Variants in TADA2A observed in about 807,000 individuals in gnomAD.
TADA2A encodes transcriptional adaptor 2A.
In TADA2A, 38 loss-of-function variants were observed where a neutral mutation model predicts 67.4. The ratio of observed to expected loss-of-function variants is 0.56; its 90% CI spans 0.44 to 0.74. TADA2A has a LOEUF of 0.74. TADA2A is among the 30% of genes least tolerant of loss of function. The pLI, the probability that TADA2A is intolerant of heterozygous loss-of-function variation, is 0.00. For missense variants in TADA2A, 454 were observed against 547.0 expected (o/e 0.83, Z 1.70); for synonymous variants, 192 against 181.6 (o/e 1.06, Z -0.46).
In TADA2A at chr17:37,437,697, A is replaced by G. The variant is rs190229878; in HGVS notation, c.193-41A>G. ...CCACCGTGCCTGGCCCCTAGATTCC[A>G]TTTGTATCTCTGTTCTTAAGCAAAA... is the stretch of plus-strand genomic sequence containing the variant. On this transcript the variant is annotated intron_variant, in intron 4 of 15. Coordinates refer to ENST00000615182, the MANE Select transcript of TADA2A (RefSeq NM_001166105.3). 7.5e-6 allele frequency: 12 copies of G among 1,589,576 alleles called. No individual in the cohort carries two copies. In the Admixed American group the frequency reaches 1.7e-4, roughly 22 times the overall value.
At chr17:37,420,015 A>AG (rs1369448686) in intron 2 of TADA2A, among the ~76,000 whole-genome samples, 1 of 70,000 alleles carries the variant, frequency 1.4e-5, no homozygotes, top group Non-Finnish European at 3.5e-5. Flanking sequence ...ACTCCGTCTC[A>AG]AAAAAAAAAA....
At chr17:37,418,484 GTTAT>G (rs1224722632) in intron 2 of TADA2A, among the ~76,000 whole-genome samples, 3 of 152,082 alleles carry the variant, frequency 2.0e-5, no homozygotes, top group Non-Finnish European at 4.4e-5. Context: ...ACAATGGAAT[GTTAT>G]TTATCCATTA....
chr17:37,440,141 T>G (rs1457624069), intron 5 of TADA2A, among the ~76,000 whole-genome samples: 1 of 151,914 alleles, frequency 6.6e-6, no homozygotes, highest in Non-Finnish European at 1.5e-5. Flanking sequence ...GAGACAGGGT[T>G]TCTCCATGTT....
rs547135546 is a variant in TADA2A, at chr17:37,432,633, A to G, written c.193-5105A>G. On this transcript the variant is annotated intron_variant, in intron 4 of 15. Transcript: ENST00000615182. ...CCTGGGCCTTGCCCACGTTTAGGCTATTGTGAATAAAGCTGCAATGAGTAT... is the reference window on the plus strand; with the variant it reads ...CCTGGGCCTTGCCCACGTTTAGGCTGTTGTGAATAAAGCTGCAATGAGTAT... Among the ~76,000 whole-genome samples the G allele has an allele frequency of 7.3e-5, 11 of 151,566 alleles. 1 individual carries two copies. The South Asian group carries it at 1.9e-3, about 26-fold the overall frequency.
Position 37,458,663 on chromosome 17 carries a change from GTGTGTGTGTGTC to G in TADA2A, c.668+82_668+93del, listed in dbSNP as rs200634983. On this transcript the variant is annotated intron_variant, in intron 9 of 15. Coordinates refer to ENST00000615182, the MANE Select transcript of TADA2A (RefSeq NM_001166105.3). ...TGTGTGTGTGTGTGTGTGTGTGTGTGTGTGTGTGTGTCTGTGTCTGTGTCTGTGAGAGAGGCA... is the reference window on the plus strand; with the variant it reads ...TGTGTGTGTGTGTGTGTGTGTGTGTGTGTGTCTGTGTCTGTGAGAGAGGCA... The G allele has an allele frequency of 2.3e-3, 2,843 of 1,221,612 alleles. 23 individuals are homozygous for G. The Admixed American group carries it at 0.033, about 14-fold the overall frequency. 75.7% of individuals were successfully genotyped at this position (1,221,612 alleles called of 1,614,324 possible). A position where few individuals can be genotyped will look rare whatever the true frequency, so the allele number is the denominator to read the frequency against.
At position 37,478,696 on chromosome 17, in the gene TADA2A, A is replaced by G. The variant is rs2053935253; in HGVS notation, c.*1714A>G. On this transcript the variant is annotated 3_prime_UTR_variant, in exon 16 of 16. Transcript: ENST00000615182. ...CTTCGTCAGAATCGACACAAATCAC[A>G]TCGAATAGTTGACTGTTTAATTCCT... is the stretch of plus-strand genomic sequence containing the variant. The G allele has an allele frequency of 6.6e-6, 1 of 152,250 alleles. No homozygotes were observed. Among genetic ancestry groups the G allele is most frequent in the African/African-American group, 2.4e-5 (1 of 41,468 alleles). 9.4% of individuals were successfully genotyped at this position (152,250 alleles called of 1,614,324 possible). A position where few individuals can be genotyped will look rare whatever the true frequency, so the allele number is the denominator to read the frequency against.
At chr17:37,415,732 G>C (rs2052021407) in intron 2 of TADA2A, among the ~76,000 whole-genome samples, 3 of 151,470 alleles carry the variant, frequency 2.0e-5, no homozygotes, top group African/African-American at 7.3e-5. Context: ...AAATTAGCTG[G>C]GCTTGGTGGT....
At chr17:37,413,032 A>G (rs868268834) in intron 2 of TADA2A, among the ~76,000 whole-genome samples, 3 of 151,880 alleles carry the variant, frequency 2.0e-5, no homozygotes, top group East Asian at 2.0e-4. Context: ...GGTTCAAGCA[A>G]TTCTCCGTCT....
intron 12 of TADA2A, 81 bp downstream of exon 12, chr17:37,467,606 A>AT (rs1461091857): frequency 2.5e-4 from 319 of 1,273,862 alleles, no homozygotes; most frequent in Non-Finnish European, 2.9e-4. Flanking sequence ...ATTGTTGTGA[A>AT]TTTTTTTTTA....
At chr17:37,443,493 A>G (rs573423802) in intron 7 of TADA2A, among the ~76,000 whole-genome samples, 1 of 152,216 alleles carries the variant, frequency 6.6e-6, no homozygotes, top group Admixed American at 6.5e-5. Flanking sequence ...ACCTCAGGCA[A>G]TCCACCAGCC....
Position 37,474,586 on chromosome 17 carries a change from C to G in TADA2A, c.1103C>G (p.Thr368Ser), listed in dbSNP as rs1722272437. ...CGGAGTGCACCACCCTTGAACCTCA[C>G]TGGCCTCCCTGGCACAGAGAAGCTG... ...GRRSAPPLNL[T>S]GLPGTEKLNE... Residue 368 changes from threonine to serine, a missense_variant, in exon 15 of 16, where the codon ACT becomes AGT. Coordinates refer to ENST00000615182, the MANE Select transcript of TADA2A (RefSeq NM_001166105.3). The G allele has an allele frequency of 2.5e-6, 4 of 1,613,514 alleles. No individual in the cohort carries two copies. In the Admixed American group the frequency reaches 6.7e-5, roughly 27 times the overall value.
rs916292872 is a variant in TADA2A, at chr17:37,449,301, G to A, written c.604+4533G>A. On this transcript the variant is annotated intron_variant, in intron 8 of 15. Transcript: ENST00000615182. ...CTCCCAAAGTGCTGGGATTACAGGC[G>A]TGAGCCACCGTGCCCGGCCTGATTT... Among the ~76,000 whole-genome samples, 3 of 152,342 alleles carry A rather than the reference G, an allele frequency of 2.0e-5. No homozygotes were observed. The East Asian group carries it at 5.8e-4, about 29-fold the overall frequency.
Position 37,471,031 on chromosome 17 carries a change from G to A in TADA2A, c.1029-63G>A, listed in dbSNP as rs919739461. 30 of 1,569,932 alleles carry A rather than the reference G, an allele frequency of 1.9e-5. 1 individual carries two copies. The highest frequency in any genetic ancestry group is 1.5e-4 in the Admixed American group (9 of 59,920). On this transcript the variant is annotated intron_variant, in intron 13 of 15. Transcript: ENST00000615182. ...CTGATAAATGGCACCCAGTCTCACCGGGGCTTTTGGAAATCACCTTGTTTG... is the reference window on the plus strand; with the variant it reads ...CTGATAAATGGCACCCAGTCTCACCAGGGCTTTTGGAAATCACCTTGTTTG...
intron 8 of TADA2A, among the ~76,000 whole-genome samples, chr17:37,445,638 G>A (rs1401904857): frequency 1.3e-5 from 2 of 152,162 alleles, no homozygotes; most frequent in Admixed American, 1.3e-4. Flanking sequence ...AAACTTATGT[G>A]GTGAATGCCA....
At chr17:37,437,361 G>A (rs2052761553) in intron 4 of TADA2A, among the ~76,000 whole-genome samples, 1 of 151,764 alleles carries the variant, frequency 6.6e-6, no homozygotes, top group African/African-American at 2.4e-5. Flanking sequence ...AAAGTGCTGG[G>A]ATTACAGGCG....
intron 8 of TADA2A, among the ~76,000 whole-genome samples, chr17:37,457,695 C>T (rs767362036): frequency 7.9e-5 from 12 of 151,436 alleles, no homozygotes; most frequent in African/African-American, 2.2e-4. Flanking sequence ...GGGGTTTCAC[C>T]GTGTTGGCCA....
intron 2 of TADA2A, 93 bp downstream of exon 2, chr17:37,411,483 C>T (rs1191369156): frequency 8.0e-7 from 1 of 1,242,554 alleles, no homozygotes; most frequent in Non-Finnish European, 1.2e-6. Context: ...GGTACAGTGG[C>T]ATGATGTTGG....
At position 37,476,879 on chromosome 17, in the gene TADA2A, G is replaced by A; in HGVS notation, c.1229G>A (p.Gly410Asp). 6.2e-7 allele frequency: 1 copy of A among 1,614,176 alleles called. No homozygotes were observed. Among genetic ancestry groups the A allele is most frequent in the South Asian group, 1.1e-5 (1 of 91,076 alleles). ...TTGAACGAATGTAACAAGCAAGGAG[G>A]CTTAAGACTGGCGCAGGCAAGAGCA... ...ALLNECNKQGGLRLAQARALI... is the reference protein window; with the variant it reads ...ALLNECNKQGDLRLAQARALI... Residue 410 changes from glycine to aspartate, a missense_variant, in exon 16 of 16, where the codon GGC becomes GAC. Gly to Asp is a moderately conservative substitution (Grantham distance 94). Transcript: ENST00000615182.
chr17:37,442,517 T>A (rs768069764), intron 6 of TADA2A, 47 bp from the exon 7 acceptor site: 29 of 1,440,302 alleles, frequency 2.0e-5, no homozygotes, highest in Non-Finnish European at 2.2e-5. Flanking sequence ...ATTTTTTTCA[T>A]GCCAATATTG....
Sources: gnomAD v4.1 joint callset for allele counts (sites outside exome capture counted in the v4.1 genomes callset) on GRCh38, gnomAD v4.1.1 for gene constraint, MANE v1.5 for transcripts, NCBI Gene and HGNC (gene_info 2026-07-23, HGNC 2026-07-21) for gene names.